The following SEM1 variants were observed in gnomAD, a reference collection of about 807,000 sequenced individuals.
The protein encoded by SEM1 is SEM1 26S proteasome subunit, also known as 26S proteasome complex subunit SEM1.
A neutral mutation model predicts 12.7 loss-of-function variants in SEM1; 3 were observed. The ratio of observed to expected loss-of-function variants is 0.24; its 90% CI spans 0.11 to 0.61. The LOEUF is 0.61. Among genes scored for constraint, SEM1 ranks in the 20% least tolerant of loss-of-function variants. SEM1 has a pLI of 0.88. For synonymous variants in SEM1, 30 were observed against 27.8 expected (o/e 1.08, Z -0.25); for missense variants, 59 against 81.3 (o/e 0.73, Z 1.06).
At chr7:96,484,913 ACCCTGGTGGAAATGG>A in intron 2 of SEM1, 1 of 1,112,700 alleles carries the variant, frequency 9.0e-7, no homozygotes, top group South Asian at 1.3e-5. Flanking sequence ...AAATTGTCTT[ACCCTGGTGGAAATGG>A]GAACACCATA....
chr7:96,678,021 C>T (rs1054609629), intron 2 of SEM1, among the ~76,000 whole-genome samples: 1 of 152,156 alleles, frequency 6.6e-6, no homozygotes. Context: ...CAATGCCTGA[C>T]GCTTGGTAGC....
intron 2 of SEM1, among the ~76,000 whole-genome samples, chr7:96,616,052 T>C (rs535445220): frequency 6.6e-6 from 1 of 152,330 alleles, no homozygotes; most frequent in East Asian, 1.9e-4. Context: ...CCATTGAGTA[T>C]ATACCTAGTA....
At chr7:96,552,149 G>C (rs1235412579) in intron 2 of SEM1, among the ~76,000 whole-genome samples, 1 of 152,056 alleles carries the variant, frequency 6.6e-6, no homozygotes, top group East Asian at 1.9e-4. Context: ...CAGAGGGGTG[G>C]GAGCTGGGGC....
intron 2 of SEM1, among the ~76,000 whole-genome samples, chr7:96,590,153 T>C (rs1433340907): frequency 6.6e-6 from 1 of 152,180 alleles, no homozygotes; most frequent in Non-Finnish European, 1.5e-5. Context: ...ATATTACTCA[T>C]AGAAACACAT....
intron 2 of SEM1, among the ~76,000 whole-genome samples, chr7:96,524,505 A>C (rs1173909313): frequency 2.6e-5 from 4 of 152,106 alleles, no homozygotes; most frequent in African/African-American, 9.7e-5. Flanking sequence ...TCCATGCCAC[A>C]GGTATAAATC....
chr7:96,505,669 A>C (rs4132568), intron 3 of SEM1, among the ~76,000 whole-genome samples: 73,477 of 151,872 alleles, frequency 0.48, 18,611 homozygotes, highest in East Asian at 0.69. Flanking sequence ...TGGGAAGTCC[A>C]AGACGAGAGT....
intron 2 of SEM1, among the ~76,000 whole-genome samples, chr7:96,525,647 A>G (rs1349562429): frequency 6.6e-6 from 1 of 152,058 alleles, no homozygotes. Flanking sequence ...TCTCCAAGTG[A>G]TCCTATAAAG....
At chr7:96,591,139 A>T (rs1467918455) in intron 2 of SEM1, among the ~76,000 whole-genome samples, 1 of 152,088 alleles carries the variant, frequency 6.6e-6, no homozygotes, top group Non-Finnish European at 1.5e-5. Flanking sequence ...TTTGTTTTTC[A>T]TGGCTTTTAA....
chr7:96,572,334 T>C (rs1440406683), intron 2 of SEM1, among the ~76,000 whole-genome samples: 1 of 152,192 alleles, frequency 6.6e-6, no homozygotes, highest in Non-Finnish European at 1.5e-5. Context: ...CTTTTGAATG[T>C]GTTTGCTCTT....
chr7:96,657,424 C>T (rs920671749), intron 2 of SEM1, among the ~76,000 whole-genome samples: 6 of 152,208 alleles, frequency 3.9e-5, no homozygotes, highest in African/African-American at 9.6e-5. Context: ...CTTGATATCA[C>T]TCTTTCAGAT....
intron 2 of SEM1, among the ~76,000 whole-genome samples, chr7:96,615,828 G>GT (rs1807701459): frequency 6.6e-6 from 1 of 152,092 alleles, no homozygotes; most frequent in Non-Finnish European, 1.5e-5. Context: ...GCTCCCACTT[G>GT]TAAGTGTTAA....
At chr7:96,507,863 T>C (rs970799129) in intron 2 of SEM1, among the ~76,000 whole-genome samples, 9 of 152,112 alleles carry the variant, frequency 5.9e-5, no homozygotes, top group African/African-American at 1.9e-4. Context: ...AAAATTCTGC[T>C]GACTACCTAC....
intron 1 of SEM1, among the ~76,000 whole-genome samples, chr7:96,486,579 T>C (rs1308783145): frequency 1.3e-5 from 2 of 152,128 alleles, no homozygotes; most frequent in Non-Finnish European, 2.9e-5. Context: ...AGCAGGGGCT[T>C]CTTTCTGCCC....
intron 2 of SEM1, among the ~76,000 whole-genome samples, chr7:96,582,765 T>A (rs187460006): frequency 6.6e-6 from 1 of 152,374 alleles, no homozygotes; most frequent in Admixed American, 6.5e-5. Flanking sequence ...TGCGTAGAGG[T>A]GTTTGTAGTA....
At chr7:96,604,940 A>C (rs748419176) in intron 2 of SEM1, among the ~76,000 whole-genome samples, 1 of 151,370 alleles carries the variant, frequency 6.6e-6, no homozygotes, top group Non-Finnish European at 1.5e-5. Context: ...ACAAACAAAA[A>C]CCCCAACCAA....
intron 2 of SEM1, among the ~76,000 whole-genome samples, chr7:96,644,209 T>C (rs1026809775): frequency 4.6e-5 from 7 of 152,048 alleles, no homozygotes; most frequent in African/African-American, 1.7e-4. Flanking sequence ...AACTGTGTGG[T>C]GGAGGTGGGA....
At chr7:96,596,881 G>A (rs1807013798) in intron 2 of SEM1, among the ~76,000 whole-genome samples, 1 of 152,270 alleles carries the variant, frequency 6.6e-6, no homozygotes, top group Non-Finnish European at 1.5e-5. Flanking sequence ...GGTTTGTTGT[G>A]TCAGCTTGTA....
chr7:96,657,340 T>C (rs1476311330), intron 2 of SEM1, among the ~76,000 whole-genome samples: 2 of 152,246 alleles, frequency 1.3e-5, no homozygotes, highest in Non-Finnish European at 2.9e-5. Flanking sequence ...CTTTCAGGGA[T>C]AAATGAATTT....
intron 2 of SEM1, among the ~76,000 whole-genome samples, chr7:96,541,442 TG>T (rs373198482): frequency 0.024 from 2,992 of 124,390 alleles, 57 homozygotes; most frequent in South Asian, 0.037. Context: ...TTTTTTTTTT[TG>T]TTTTTTTTTT....
Sources: allele counts gnomAD v4.1 joint callset (sites outside exome capture counted in the v4.1 genomes callset), GRCh38; gene constraint gnomAD v4.1.1; transcripts MANE v1.5; gene names NCBI Gene and HGNC (gene_info 2026-07-23, HGNC 2026-07-21).